The following PTPRD variants were observed in gnomAD, a reference collection of about 807,000 sequenced individuals.
The protein encoded by PTPRD is receptor-type tyrosine-protein phosphatase delta.
In PTPRD, 34 loss-of-function variants were observed where a neutral mutation model predicts 214.5. The observed-to-expected ratio is 0.16, with a 90% CI of 0.12 to 0.21. The LOEUF is 0.21. Among genes scored for constraint, PTPRD ranks in the 10% least tolerant of loss-of-function variants. The pLI is 1.00. For missense variants in PTPRD, 2,545 were observed against 2,398.7 expected, an observed-to-expected ratio of 1.06 and a Z score of -1.27; for synonymous variants, 1,128 against 845.7, an observed-to-expected ratio of 1.33 and a Z score of -5.79.
rs1566931468 is a variant in PTPRD at position 10,559,327 on chromosome 9, T to C, written c.-600+53071A>G. ...GACTTGCAATATTAATTTACTATGC[T>C]ATCCATTAACCAAATGTGATTATTT... On this transcript the variant is annotated intron_variant, in intron 2 of 45. Coordinates refer to ENST00000381196, the MANE Select transcript of PTPRD (RefSeq NM_002839.4). Among the ~76,000 whole-genome samples, 4 of 152,284 alleles carry C rather than the reference T, an allele frequency of 2.6e-5. No homozygotes were observed. In the South Asian group the frequency reaches 6.2e-4, roughly 24 times the overall value.
chr9:9,729,355 C>G (rs1381660862), intron 7 of PTPRD, among the ~76,000 whole-genome samples: 1 of 152,054 alleles, frequency 6.6e-6, no homozygotes, highest in Non-Finnish European at 1.5e-5. Context: ...AAGAGAAAGA[C>G]TGAAAATGCA....
intron 14 of PTPRD, among the ~76,000 whole-genome samples, chr9:8,595,176 T>TG (rs911460703): frequency 6.6e-6 from 1 of 151,518 alleles, no homozygotes; most frequent in African/African-American, 2.4e-5. Flanking sequence ...AAACCTGTTT[T>TG]TTTTTTTTTT....
At chr9:9,730,435 G>A (rs995635697) in intron 7 of PTPRD, among the ~76,000 whole-genome samples, 15 of 152,048 alleles carry the variant, frequency 9.9e-5, no homozygotes, top group Admixed American at 2.6e-4. Context: ...GGTTTTACAG[G>A]TATAAAAGAT....
At chr9:8,726,242 T>C (rs1234823797) in intron 12 of PTPRD, among the ~76,000 whole-genome samples, 1 of 151,918 alleles carries the variant, frequency 6.6e-6, no homozygotes, top group Non-Finnish European at 1.5e-5. Context: ...AAGAAACACA[T>C]CTACGTAGGC....
intron 8 of PTPRD, among the ~76,000 whole-genome samples, chr9:9,567,551 G>A (rs1392082534): frequency 6.6e-6 from 1 of 151,948 alleles, no homozygotes; most frequent in Non-Finnish European, 1.5e-5. Context: ...TCATTCTAAA[G>A]TAAACTCACA....
intron 7 of PTPRD, among the ~76,000 whole-genome samples, chr9:9,647,972 C>A (rs2096240288): frequency 6.6e-6 from 1 of 152,120 alleles, no homozygotes; most frequent in South Asian, 2.1e-4. Context: ...AGCACAAAAT[C>A]TACTTTACAA....
rs139332431 is a variant in PTPRD at position 9,305,305 on chromosome 9, G to C, written c.-203+92144C>G. On this transcript the variant is annotated intron_variant, in intron 9 of 45. Coordinates refer to ENST00000381196, the MANE Select transcript of PTPRD (RefSeq NM_002839.4). ...AATCTTGGTAGGTTTTCCAGAGAAA[G>C]CAGCAATAAGATGTGTTAAGTGTGC... Among the ~76,000 whole-genome samples the C allele has an allele frequency of 1.7e-3, 254 of 152,000 alleles. 1 individual carries two copies. The highest frequency in any genetic ancestry group is 6.0e-3 in the African/African-American group (247 of 41,478).
chr9:10,110,586 G>A (rs2098681910), intron 3 of PTPRD, among the ~76,000 whole-genome samples: 1 of 151,614 alleles, frequency 6.6e-6, no homozygotes, highest in South Asian at 2.1e-4. Flanking sequence ...GCCTGAGATT[G>A]TTTCAAAATG....
intron 3 of PTPRD, among the ~76,000 whole-genome samples, chr9:10,184,592 C>T (rs768117065): frequency 1.8e-4 from 27 of 152,038 alleles, no homozygotes; most frequent in Non-Finnish European, 1.0e-4. Context: ...GATAGCAATT[C>T]GTTATTTAAA....
At chr9:9,618,754 A>T (rs558689940) in intron 7 of PTPRD, among the ~76,000 whole-genome samples, 2 of 152,332 alleles carry the variant, frequency 1.3e-5, no homozygotes, top group East Asian at 3.9e-4. Context: ...AAGAATTTTA[A>T]GTGGGAGATA....
intron 4 of PTPRD, among the ~76,000 whole-genome samples, chr9:9,950,144 C>A (rs1202451142): frequency 6.6e-6 from 1 of 152,152 alleles, no homozygotes; most frequent in Admixed American, 6.5e-5. Context: ...TGACAACGAC[C>A]TTTGTGTGAA....
At chr9:9,137,569 T>C (rs2099852881) in intron 10 of PTPRD, among the ~76,000 whole-genome samples, 1 of 152,198 alleles carries the variant, frequency 6.6e-6, no homozygotes. Context: ...CAAGGGTGCA[T>C]ATTGAAACCA....
At chr9:9,982,034 C>T (rs1482297256) in intron 4 of PTPRD, among the ~76,000 whole-genome samples, 1 of 152,164 alleles carries the variant, frequency 6.6e-6, no homozygotes, top group Non-Finnish European at 1.5e-5. Flanking sequence ...CCATAATTTG[C>T]TTTACCAGAT....
At chr9:8,837,339 T>C (rs961965267) in intron 11 of PTPRD, among the ~76,000 whole-genome samples, 1 of 152,108 alleles carries the variant, frequency 6.6e-6, no homozygotes, top group Admixed American at 6.5e-5. Flanking sequence ...AAACAAGAGA[T>C]AGCAAAGATA....
chr9:10,570,988 G>A (rs917805708), intron 2 of PTPRD, among the ~76,000 whole-genome samples: 1 of 151,904 alleles, frequency 6.6e-6, no homozygotes, highest in African/African-American at 2.4e-5. Context: ...ACAGTGTGCA[G>A]CAGAATATAC....
intron 5 of PTPRD, among the ~76,000 whole-genome samples, chr9:9,784,925 A>T (rs1040483161): frequency 1.5e-4 from 22 of 147,846 alleles, no homozygotes; most frequent in African/African-American, 5.5e-4. Context: ...TTTTATCAAC[A>T]AATTGTATAT....
At chr9:8,441,833 C>G (rs1425347640) in intron 34 of PTPRD, among the ~76,000 whole-genome samples, 6 of 152,106 alleles carry the variant, frequency 3.9e-5, no homozygotes, top group Non-Finnish European at 8.8e-5. Context: ...AGAACTGTAG[C>G]TACATGAGGA....
At chr9:8,354,781 G>A (rs2076546938) in intron 39 of PTPRD, among the ~76,000 whole-genome samples, 1 of 152,148 alleles carries the variant, frequency 6.6e-6, no homozygotes, top group South Asian at 2.1e-4. Context: ...ACTATGAACA[G>A]ATGACAGTTT....
At chr9:9,824,512 T>G (rs2051986614) in intron 5 of PTPRD, among the ~76,000 whole-genome samples, 1 of 151,950 alleles carries the variant, frequency 6.6e-6, no homozygotes. Flanking sequence ...TATATAAAGT[T>G]TTACTGTTAT....
Sources: allele counts gnomAD v4.1 joint callset (sites outside exome capture counted in the v4.1 genomes callset), GRCh38; gene constraint gnomAD v4.1.1; transcripts MANE v1.5; gene names NCBI Gene and HGNC (gene_info 2026-07-23, HGNC 2026-07-21).